The following SUPT3H variants were observed in gnomAD, a reference collection of about 807,000 sequenced individuals.
The protein encoded by SUPT3H is transcription initiation protein SPT3 homolog.
A neutral mutation model predicts 44.3 loss-of-function variants in SUPT3H; 44 were observed. That is an observed-to-expected ratio of 0.99 (90% CI 0.78 to 1.28). The LOEUF is 1.28. Ranked by LOEUF, SUPT3H falls within the 50% of genes most tolerant of loss-of-function variation. The pLI, the probability that SUPT3H is intolerant of heterozygous loss-of-function variation, is 0.00. For missense variants in SUPT3H, 380 were observed against 387.1 expected (o/e 0.98, Z 0.15); for synonymous variants, 124 against 125.6 (o/e 0.99, Z 0.09).
At chr6:45,064,570 A>C (rs908151714) in intron 3 of SUPT3H, among the ~76,000 whole-genome samples, 49 of 143,926 alleles carry the variant, frequency 3.4e-4, no homozygotes, top group Non-Finnish European at 9.1e-5. Flanking sequence ...AACCCATCTT[A>C]CGTGCAGAGA....
At chr6:44,857,654 C>T (rs890525385) in intron 10 of SUPT3H, among the ~76,000 whole-genome samples, 2 of 152,100 alleles carry the variant, frequency 1.3e-5, no homozygotes, top group African/African-American at 4.8e-5. Context: ...CCAGTTTTTA[C>T]TTTTTAGTCG....
intron 2 of SUPT3H, among the ~76,000 whole-genome samples, chr6:45,164,113 C>G (rs1450021196): frequency 6.6e-6 from 1 of 152,132 alleles, no homozygotes; most frequent in African/African-American, 2.4e-5. Flanking sequence ...TTTCAGCTCT[C>G]ACACAGAGAT....
chr6:45,313,656 TAAA>T (rs70996323), intron 2 of SUPT3H, among the ~76,000 whole-genome samples: 3 of 144,668 alleles, frequency 2.1e-5, no homozygotes, highest in Non-Finnish European at 3.0e-5. Context: ...TTAAAAATTA[TAAA>T]AAAAAAAAAA....
intron 2 of SUPT3H, among the ~76,000 whole-genome samples, chr6:45,145,889 C>T (rs937057560): frequency 6.6e-6 from 1 of 151,952 alleles, no homozygotes; most frequent in Admixed American, 6.6e-5. Context: ...CGAAGATGTA[C>T]AAATGGCCAA....
chr6:44,902,070 T>C (rs1765165536), intron 10 of SUPT3H, among the ~76,000 whole-genome samples: 1 of 152,120 alleles, frequency 6.6e-6, no homozygotes, highest in South Asian at 2.1e-4. Flanking sequence ...TGCAAAATCA[T>C]GCCAAATTGT....
chr6:45,098,800 C>CAG (rs1798145771), intron 3 of SUPT3H: 1 of 529,710 alleles, frequency 1.9e-6, no homozygotes, highest in African/African-American at 1.9e-5. Context: ...TACTGTTGTT[C>CAG]AGAGAGAGCA....
intron 2 of SUPT3H, among the ~76,000 whole-genome samples, chr6:45,293,339 T>G (rs1780606562): frequency 6.6e-6 from 1 of 152,130 alleles, no homozygotes; most frequent in Admixed American, 6.6e-5. Flanking sequence ...GCAAAGGCAG[T>G]GCTTAGAGGA....
intron 2 of SUPT3H, among the ~76,000 whole-genome samples, chr6:45,173,906 T>TAC (rs1199004114): frequency 1.3e-5 from 2 of 152,236 alleles, no homozygotes; most frequent in Non-Finnish European, 2.9e-5. Context: ...TATCAATACC[T>TAC]ACTTTATTGT....
At chr6:44,989,450 A>AT (rs766484619) in intron 6 of SUPT3H, among the ~76,000 whole-genome samples, 4 of 152,154 alleles carry the variant, frequency 2.6e-5, no homozygotes, top group Non-Finnish European at 4.4e-5. Flanking sequence ...ATTGTGAATT[A>AT]TGCTGCAATG....
intron 2 of SUPT3H, among the ~76,000 whole-genome samples, chr6:45,309,500 A>G (rs1408906559): frequency 6.6e-6 from 1 of 152,010 alleles, no homozygotes; most frequent in Non-Finnish European, 1.5e-5. Context: ...TATAAAATAT[A>G]TGAGACAGCA....
At chr6:45,129,766 A>T (rs6938592) in intron 2 of SUPT3H, among the ~76,000 whole-genome samples, 98,990 of 151,696 alleles carry the variant, frequency 0.65, 33,165 homozygotes, top group South Asian at 0.75. Flanking sequence ...GGATTTTTTT[A>T]AAAAAATCCA....
intron 2 of SUPT3H, among the ~76,000 whole-genome samples, chr6:45,155,690 T>C (rs956525060): frequency 2.0e-5 from 3 of 152,016 alleles, no homozygotes; most frequent in African/African-American, 7.2e-5. Context: ...GGAACAAAAA[T>C]GGAGTTAGTC....
intron 5 of SUPT3H, among the ~76,000 whole-genome samples, chr6:45,007,625 T>A (rs9472421): frequency 0.12 from 17,847 of 152,146 alleles, 1,236 homozygotes; most frequent in African/African-American, 0.19. Flanking sequence ...CCTTACTTTT[T>A]AAAATTTAAG....
At chr6:45,293,635 T>C (rs1187412067) in intron 2 of SUPT3H, among the ~76,000 whole-genome samples, 2 of 151,890 alleles carry the variant, frequency 1.3e-5, no homozygotes, top group African/African-American at 4.8e-5. Context: ...ATAAGCTCAG[T>C]GAGAAACAAT....
At chr6:45,251,735 C>T (rs1772403598) in intron 2 of SUPT3H, among the ~76,000 whole-genome samples, 1 of 152,002 alleles carries the variant, frequency 6.6e-6, no homozygotes. Context: ...TTCATTCTAC[C>T]ATAAACAAAG....
At chr6:45,130,944 C>G (rs184477968) in intron 2 of SUPT3H, among the ~76,000 whole-genome samples, 1 of 151,738 alleles carries the variant, frequency 6.6e-6, no homozygotes, top group South Asian at 2.1e-4. Flanking sequence ...CTCGAACTCC[C>G]GACCTCAGGT....
chr6:45,294,051 C>A (rs1435363667), intron 2 of SUPT3H, among the ~76,000 whole-genome samples: 1 of 152,066 alleles, frequency 6.6e-6, no homozygotes, highest in African/African-American at 2.4e-5. Flanking sequence ...AACTACAGAC[C>A]AATAACCCTG....
intron 2 of SUPT3H, among the ~76,000 whole-genome samples, chr6:45,265,584 C>A (rs938259708): frequency 6.6e-6 from 1 of 152,062 alleles, no homozygotes; most frequent in Admixed American, 6.6e-5. Context: ...TATTTAAATA[C>A]ATTAAGGTTA....
At chr6:45,038,240 G>A (rs1157319002) in intron 3 of SUPT3H, among the ~76,000 whole-genome samples, 2 of 152,122 alleles carry the variant, frequency 1.3e-5, no homozygotes, top group African/African-American at 4.8e-5. Flanking sequence ...TGGGCCCAAA[G>A]AGAAACTGCT....
Sources: allele counts gnomAD v4.1 joint callset (sites outside exome capture counted in the v4.1 genomes callset), GRCh38; gene constraint gnomAD v4.1.1; transcripts MANE v1.5; gene names NCBI Gene and HGNC (gene_info 2026-07-23, HGNC 2026-07-21).